The following PCDH15 variants were observed in gnomAD, a reference collection of about 807,000 sequenced individuals.
PCDH15 encodes protocadherin-15.
A neutral mutation model predicts 178.5 loss-of-function variants in PCDH15; 129 were observed. The ratio of observed to expected loss-of-function variants is 0.72; its 90% CI spans 0.63 to 0.84. PCDH15 has a LOEUF of 0.84. Among genes scored for constraint, PCDH15 ranks in the 40% least tolerant of loss-of-function variants. The pLI is 0.00. For synonymous variants in PCDH15, 800 were observed against 732.0 expected, an observed-to-expected ratio of 1.09 and a Z score of -1.50; for missense variants, 2,230 against 2,099.9, an observed-to-expected ratio of 1.06 and a Z score of -1.21.
chr10:54,057,612 C>T (rs1350538844), intron 18 of PCDH15, among the ~76,000 whole-genome samples: 4 of 152,124 alleles, frequency 2.6e-5, no homozygotes, highest in Non-Finnish European at 4.4e-5. Flanking sequence ...GCCTCTGGGC[C>T]TGTGATTGGA....
intron 2 of PCDH15, among the ~76,000 whole-genome samples, chr10:55,362,012 C>G (rs1362194894): frequency 4.6e-5 from 7 of 152,016 alleles, no homozygotes; most frequent in Non-Finnish European, 1.0e-4. Context: ...AATATATAAA[C>G]AGCGGCACAG....
At chr10:54,800,169 G>A (rs1212167657) in intron 1 of PCDH15, among the ~76,000 whole-genome samples, 1 of 152,078 alleles carries the variant, frequency 6.6e-6, no homozygotes, top group Non-Finnish European at 1.5e-5. Flanking sequence ...GAGACACAGA[G>A]TATCAACACA....
intron 1 of PCDH15, among the ~76,000 whole-genome samples, chr10:54,768,628 C>T (rs1566182242): frequency 6.6e-6 from 1 of 152,092 alleles, no homozygotes; most frequent in Non-Finnish European, 1.5e-5. Context: ...CACCCCATAT[C>T]CCAAATAATT....
chr10:54,768,258 T>A (rs1948727123), intron 1 of PCDH15, among the ~76,000 whole-genome samples: 1 of 152,106 alleles, frequency 6.6e-6, no homozygotes, highest in Admixed American at 6.5e-5. Flanking sequence ...TGCTTTGCAA[T>A]AAGCTGCTTG....
At chr10:54,098,016 T>G (rs2094731286) in intron 15 of PCDH15, among the ~76,000 whole-genome samples, 1 of 152,166 alleles carries the variant, frequency 6.6e-6, no homozygotes, top group South Asian at 2.1e-4. Context: ...GAGCCTAACT[T>G]TAATATACTG....
chr10:54,247,669 T>A (rs1031110723), intron 8 of PCDH15, among the ~76,000 whole-genome samples: 1 of 151,750 alleles, frequency 6.6e-6, no homozygotes, highest in Non-Finnish European at 1.5e-5. Flanking sequence ...AACAATGTCA[T>A]AAACATTCCA....
chr10:54,314,923 T>C (rs1249176857), intron 8 of PCDH15, among the ~76,000 whole-genome samples: 2 of 152,188 alleles, frequency 1.3e-5, no homozygotes, highest in Admixed American at 1.3e-4. Flanking sequence ...TCATTTTCTT[T>C]ATCCAATCTG....
At chr10:54,414,274 G>A (rs979467002) in intron 3 of PCDH15, among the ~76,000 whole-genome samples, 3 of 151,966 alleles carry the variant, frequency 2.0e-5, no homozygotes, top group Non-Finnish European at 2.9e-5. Context: ...TATTACAAAC[G>A]TGTTCATTTA....
At chr10:54,521,832 G>A (rs2082896821) in intron 3 of PCDH15, among the ~76,000 whole-genome samples, 1 of 152,098 alleles carries the variant, frequency 6.6e-6, no homozygotes, top group Non-Finnish European at 1.5e-5. Context: ...GCTCATGCCT[G>A]TAATCCCAGC....
intron 2 of PCDH15, among the ~76,000 whole-genome samples, chr10:55,457,375 A>G (rs1356958819): frequency 2.0e-5 from 3 of 152,158 alleles, no homozygotes; most frequent in Non-Finnish European, 4.4e-5. Context: ...ATGATCTTAT[A>G]TGATTTTTTG....
intron 26 of PCDH15, among the ~76,000 whole-genome samples, chr10:53,892,892 T>C (rs923106441): frequency 1.3e-5 from 2 of 152,206 alleles, no homozygotes; most frequent in Non-Finnish European, 1.5e-5. Context: ...TTTGTAATCA[T>C]CTGTCTGCAT....
intron 15 of PCDH15, among the ~76,000 whole-genome samples, chr10:54,109,289 G>T (rs573213377): frequency 6.6e-6 from 1 of 152,170 alleles, no homozygotes; most frequent in Admixed American, 6.5e-5. Flanking sequence ...TGCACTCCGT[G>T]TTTATTGCAG....
At chr10:54,895,956 G>A (rs1034094713) in intron 3 of PCDH15, among the ~76,000 whole-genome samples, 3 of 92,232 alleles carry the variant, frequency 3.3e-5, no homozygotes, top group Non-Finnish European at 9.1e-5. Flanking sequence ...GCACTATCTC[G>A]GCTCACCACA....
At chr10:55,626,359 TG>T (rs898272026) in intron 2 of PCDH15, among the ~76,000 whole-genome samples, 20 of 152,132 alleles carry the variant, frequency 1.3e-4, no homozygotes, top group Admixed American at 6.6e-5. Context: ...ACAGCACGCA[TG>T]TGTGAAAAAG....
chr10:53,891,434 A>G (rs1352874898), intron 26 of PCDH15, among the ~76,000 whole-genome samples: 1 of 152,206 alleles, frequency 6.6e-6, no homozygotes, highest in Non-Finnish European at 1.5e-5. Flanking sequence ...TTCCATACCT[A>G]TACCTTGGAT....
At chr10:54,443,503 AT>A (rs1385243238) in intron 3 of PCDH15, among the ~76,000 whole-genome samples, 6 of 151,566 alleles carry the variant, frequency 4.0e-5, no homozygotes, top group Non-Finnish European at 8.9e-5. Flanking sequence ...ACAAAAAAAA[AT>A]CTGTATAAAA....
intron 5 of PCDH15, among the ~76,000 whole-genome samples, chr10:54,352,908 G>C (rs969378979): frequency 6.6e-6 from 1 of 152,064 alleles, no homozygotes. Flanking sequence ...ATAAAATAAT[G>C]TTATAGATTC....
At chr10:54,228,348 A>T (rs1466225470) in intron 9 of PCDH15, among the ~76,000 whole-genome samples, 2 of 151,974 alleles carry the variant, frequency 1.3e-5, no homozygotes, top group African/African-American at 4.8e-5. Flanking sequence ...CCTCTTTTTA[A>T]AAAAAAATCA....
intron 3 of PCDH15, among the ~76,000 whole-genome samples, chr10:54,856,132 T>A (rs1953738636): frequency 6.6e-6 from 1 of 152,218 alleles, no homozygotes; most frequent in African/African-American, 2.4e-5. Flanking sequence ...TAATAGTTTG[T>A]CATTTATCAA....
Sources: allele counts gnomAD v4.1 joint callset (sites outside exome capture counted in the v4.1 genomes callset), GRCh38; gene constraint gnomAD v4.1.1; transcripts MANE v1.5; gene names NCBI Gene and HGNC (gene_info 2026-07-23, HGNC 2026-07-21).